TEAD1: variants seen among roughly 807,000 people sequenced by gnomAD.
TEAD1 encodes TEA domain transcription factor 1.
In TEAD1, 9 loss-of-function variants were observed where a neutral mutation model predicts 54.9. That is an observed-to-expected ratio of 0.16 (90% CI 0.10 to 0.29). The LOEUF is 0.29. Ranked by LOEUF, TEAD1 falls within the 10% of genes least tolerant of loss-of-function variation. The probability of loss-of-function intolerance (pLI) is 1.00; values close to 1 mark genes in which losing one functional copy is unlikely to be tolerated. For missense variants in TEAD1, 387 were observed against 535.9 expected, an observed-to-expected ratio of 0.72 and a Z score of 2.74; for synonymous variants, 200 against 187.8, an observed-to-expected ratio of 1.07 and a Z score of -0.53.
rs999404793 is a variant in TEAD1, at chr11:12,939,326, A to T, written c.*2104A>T. 6.6e-6 allele frequency: 1 copy of T among 152,130 alleles called. No individual in the cohort carries two copies. Among genetic ancestry groups the T allele is most frequent in the South Asian group, 2.1e-4 (1 of 4,814 alleles). 9.4% of individuals were successfully genotyped at this position (152,130 alleles called of 1,614,324 possible). ...TCTTAGGGATGTTTCTTTTGCTCTT[A>T]TTTCCTGCATCTTTCCTTAAGGGAA... On this transcript the variant is annotated 3_prime_UTR_variant, in exon 13 of 13. Coordinates refer to ENST00000527636, the MANE Select transcript of TEAD1 (RefSeq NM_021961.6).
intron 3 of TEAD1, among the ~76,000 whole-genome samples, chr11:12,825,671 A>G (rs1236365149): frequency 6.6e-6 from 1 of 152,208 alleles, no homozygotes; most frequent in Non-Finnish European, 1.5e-5. Flanking sequence ...AACAGTATAG[A>G]AATGTAGATG....
intron 2 of TEAD1, among the ~76,000 whole-genome samples, chr11:12,752,321 T>TTG (rs1944892453): frequency 6.6e-6 from 1 of 150,998 alleles, no homozygotes; most frequent in Admixed American, 6.6e-5. Flanking sequence ...ATTGAGTCCC[T>TTG]TGTGTTTTTC....
chr11:12,907,666 C>T (rs2134136548), intron 10 of TEAD1, among the ~76,000 whole-genome samples: 1 of 152,304 alleles, frequency 6.6e-6, no homozygotes, highest in East Asian at 1.9e-4. Context: ...CTTCTTTAAG[C>T]CAGGCACTGT....
chr11:12,915,921 T>A (rs781059542), intron 10 of TEAD1, among the ~76,000 whole-genome samples: 1 of 152,184 alleles, frequency 6.6e-6, no homozygotes, highest in Non-Finnish European at 1.5e-5. Context: ...CAGACTCTTA[T>A]CTGGGGACTA....
chr11:12,924,187 C>A (rs1257214091), intron 10 of TEAD1, among the ~76,000 whole-genome samples: 2 of 152,190 alleles, frequency 1.3e-5, no homozygotes, highest in Non-Finnish European at 2.9e-5. Context: ...GTACCCCCAG[C>A]CTTCCCTGCA....
chr11:12,730,386 G>C (rs1170083424), intron 2 of TEAD1, among the ~76,000 whole-genome samples: 1 of 145,532 alleles, frequency 6.9e-6, no homozygotes, highest in Non-Finnish European at 1.5e-5. Flanking sequence ...GGTGCCATTG[G>C]GATTTGAAAC....
At chr11:12,859,674 C>G (rs1286771618) in intron 3 of TEAD1, among the ~76,000 whole-genome samples, 1 of 152,136 alleles carries the variant, frequency 6.6e-6, no homozygotes, top group African/African-American at 2.4e-5. Context: ...GGTTCTTGTC[C>G]TGTGGTAAAA....
At chr11:12,812,375 A>C (rs990629306) in intron 3 of TEAD1, among the ~76,000 whole-genome samples, 1 of 152,136 alleles carries the variant, frequency 6.6e-6, no homozygotes, top group Non-Finnish European at 1.5e-5. Flanking sequence ...TTAGAATCCC[A>C]AAAAGGTGAT....
At chr11:12,825,179 A>T (rs1027802127) in intron 3 of TEAD1, among the ~76,000 whole-genome samples, 4 of 152,182 alleles carry the variant, frequency 2.6e-5, no homozygotes, top group African/African-American at 9.7e-5. Context: ...GCTTCCTGTT[A>T]AGATCTGAAG....
chr11:12,788,422 G>A (rs867974523), intron 3 of TEAD1, among the ~76,000 whole-genome samples: 4 of 152,070 alleles, frequency 2.6e-5, no homozygotes, highest in Admixed American at 6.5e-5. Context: ...ATGAGCCACC[G>A]TGCCTGGCCA....
chr11:12,790,695 A>G (rs976698956), intron 3 of TEAD1, among the ~76,000 whole-genome samples: 4 of 152,238 alleles, frequency 2.6e-5, no homozygotes, highest in African/African-American at 7.2e-5. Context: ...CAGTTGATCT[A>G]AATAGACATC....
chr11:12,897,582 A>T (rs1200180334), intron 9 of TEAD1, among the ~76,000 whole-genome samples: 2 of 152,188 alleles, frequency 1.3e-5, no homozygotes, highest in African/African-American at 4.8e-5. Flanking sequence ...CTCAGATGCC[A>T]ATGGTCAGAG....
At chr11:12,787,788 G>GT (rs529225508) in intron 3 of TEAD1, among the ~76,000 whole-genome samples, 111 of 152,132 alleles carry the variant, frequency 7.3e-4, no homozygotes, top group Non-Finnish European at 1.4e-3. Context: ...ATAAAATTAT[G>GT]TTTTTTGGAG....
intron 2 of TEAD1, among the ~76,000 whole-genome samples, chr11:12,753,424 A>C (rs1359246402): frequency 6.6e-6 from 1 of 152,164 alleles, no homozygotes; most frequent in Non-Finnish European, 1.5e-5. Flanking sequence ...TCTCCTTGAA[A>C]ATCCTTAGTA....
At chr11:12,722,628 C>G (rs1409772502) in intron 2 of TEAD1, among the ~76,000 whole-genome samples, 1 of 150,698 alleles carries the variant, frequency 6.6e-6, no homozygotes, top group Non-Finnish European at 1.5e-5. Flanking sequence ...TGCATATATA[C>G]CCTGTGATTT....
chr11:12,934,463 G>C (rs1343155716), intron 12 of TEAD1, among the ~76,000 whole-genome samples: 1 of 151,708 alleles, frequency 6.6e-6, no homozygotes. Flanking sequence ...AATGGGTGCA[G>C]CACACCAACA....
intron 3 of TEAD1, among the ~76,000 whole-genome samples, chr11:12,851,710 G>C (rs899455764): frequency 1.3e-5 from 2 of 151,614 alleles, no homozygotes; most frequent in South Asian, 4.2e-4. Context: ...TGAGGCAGGA[G>C]AATCACTTGA....
At chr11:12,682,676 G>A (rs979337467) in intron 2 of TEAD1, among the ~76,000 whole-genome samples, 1 of 152,118 alleles carries the variant, frequency 6.6e-6, no homozygotes, top group African/African-American at 2.4e-5. Context: ...GCTACTGCTT[G>A]CCACTGAGCG....
chr11:12,800,197 G>A (rs1946023232), intron 3 of TEAD1, among the ~76,000 whole-genome samples: 1 of 152,186 alleles, frequency 6.6e-6, no homozygotes, highest in Non-Finnish European at 1.5e-5. Context: ...GATGATGACT[G>A]CTTGCACCTC....
Sources: gnomAD v4.1 joint callset for allele counts (sites outside exome capture counted in the v4.1 genomes callset) on GRCh38, gnomAD v4.1.1 for gene constraint, MANE v1.5 for transcripts, NCBI Gene and HGNC (gene_info 2026-07-23, HGNC 2026-07-21) for gene names.